The following NCKAP5 variants were observed in gnomAD, a reference collection of about 807,000 sequenced individuals.
The protein encoded by NCKAP5 is nck-associated protein 5.
A neutral mutation model predicts 167.0 loss-of-function variants in NCKAP5; 92 were observed. The observed-to-expected ratio is 0.55, with a 90% CI of 0.47 to 0.66. NCKAP5 has a LOEUF of 0.66. Among genes scored for constraint, NCKAP5 ranks in the 30% least tolerant of loss-of-function variants. The pLI is 0.00. For synonymous variants in NCKAP5, 891 were observed against 877.4 expected (o/e 1.02, Z -0.27); for missense variants, 2,378 against 2,315.0 (o/e 1.03, Z -0.56).
chr2:132,920,777 A>ATATATATATATATATATG (rs1558943345), intron 8 of NCKAP5, among the ~76,000 whole-genome samples: 2 of 13,860 alleles, frequency 1.4e-4, no homozygotes, highest in African/African-American at 4.3e-4. Context: ...GTATGTATAT[A>ATATATATATATATATATG]TATATATATA....
At chr2:133,372,719 A>T (rs1000595004) in intron 3 of NCKAP5, among the ~76,000 whole-genome samples, 7 of 152,188 alleles carry the variant, frequency 4.6e-5, no homozygotes, top group African/African-American at 1.7e-4. Context: ...TAGGACCCAG[A>T]TTTCTACCTC....
chr2:132,784,262 G>A lies in NCKAP5; in HGVS notation c.2549C>T (p.Thr850Ile), dbSNP rs140057700. The change falls in exon 14 of 20, where the codon ACT (threonine) becomes ATT (isoleucine). Residue 850 changes from threonine to isoleucine, a missense_variant. Thr to Ile is a moderately conservative substitution (Grantham distance 89). This residue lies in a region of NCKAP5 where 1,049 missense variants were observed against 1,023.4 expected (regional missense o/e 1.02). Coordinates refer to ENST00000409261, the MANE Select transcript of NCKAP5 (RefSeq NM_207363.3). ...APGKLSRFMK[T>I]ESSGPLFELR... is the part of the protein sequence containing the mutation. ...TTCAAAGAGGGGCCCTGAGCTCTCA[G>A]TCTTCATGAATCGTGAGAGTTTCCC... is the stretch of plus-strand genomic sequence containing the variant. The A allele has an allele frequency of 1.9e-6, 3 of 1,610,448 alleles. No individual in the cohort carries two copies. Among genetic ancestry groups the A allele is most frequent in the Non-Finnish European group, 2.5e-6 (3 of 1,178,870 alleles).
intron 5 of NCKAP5, among the ~76,000 whole-genome samples, chr2:133,212,851 A>G (rs1388026013): frequency 6.6e-6 from 1 of 152,226 alleles, no homozygotes; most frequent in Non-Finnish European, 1.5e-5. Context: ...TGACAGAAGT[A>G]TGAGGCCAGC....
chr2:133,645,933 A>G, the NCKAP5 span, among the ~76,000 whole-genome samples: 1 of 151,938 alleles, frequency 6.6e-6, no homozygotes, highest in Non-Finnish European at 1.5e-5. Flanking sequence ...CAAATGGAAA[A>G]AAGGAAGAAA....
At chr2:133,461,602 G>A (rs114915419) in intron 3 of NCKAP5, among the ~76,000 whole-genome samples, 3,009 of 152,264 alleles carry the variant, frequency 0.02, 108 homozygotes, top group African/African-American at 0.069. Context: ...TGGTCAACAT[G>A]TGTGTGGTTA....
chr2:132,881,029 CA>C (rs1335064132), intron 8 of NCKAP5, among the ~76,000 whole-genome samples: 6 of 152,186 alleles, frequency 3.9e-5, no homozygotes, highest in African/African-American at 1.4e-4. Context: ...ATGTGATCTA[CA>C]GTTCTTCCAG....
At chr2:133,615,534 A>C in the NCKAP5 span, among the ~76,000 whole-genome samples, 8 of 152,330 alleles carry the variant, frequency 5.3e-5, no homozygotes, top group African/African-American at 1.9e-4. Flanking sequence ...TAAACCAACA[A>C]AGATCAAAAG....
At chr2:132,727,879 G>T (rs1690616970) in intron 18 of NCKAP5, among the ~76,000 whole-genome samples, 1 of 152,210 alleles carries the variant, frequency 6.6e-6, no homozygotes, top group African/African-American at 2.4e-5. Flanking sequence ...GATGCTCAAG[G>T]TTGAAAGGTG....
At chr2:133,411,569 C>T (rs1270388932) in intron 3 of NCKAP5, among the ~76,000 whole-genome samples, 1 of 152,086 alleles carries the variant, frequency 6.6e-6, no homozygotes, top group African/African-American at 2.4e-5. Flanking sequence ...TACGTGGAGA[C>T]TTTGAGATTT....
chr2:133,217,229 G>T (rs72846314), intron 4 of NCKAP5, among the ~76,000 whole-genome samples: 53,978 of 151,804 alleles, frequency 0.36, 10,084 homozygotes, highest in Non-Finnish European at 0.41. Context: ...CTTTACTTTT[G>T]TAATGAAGTA....
At chr2:133,454,794 A>C (rs1191579719) in intron 3 of NCKAP5, among the ~76,000 whole-genome samples, 1 of 152,060 alleles carries the variant, frequency 6.6e-6, no homozygotes, top group Non-Finnish European at 1.5e-5. Flanking sequence ...AATTAGGTCA[A>C]ACTATCTTAC....
upstream of NCKAP5, among the ~76,000 whole-genome samples, chr2:133,572,437 A>G (rs376086599): frequency 1.2e-4 from 18 of 152,306 alleles, no homozygotes; most frequent in African/African-American, 4.3e-4. Context: ...ACAAGTGCAA[A>G]GACCATGGGA....
rs567505885 is a variant in NCKAP5 at position 132,728,906 on chromosome 2, C to A, written c.5490G>T (p.Gln1830His). Reference protein sequence around the residue: ...QKQNEAEPRPQTCSSFGYAED... With the variant: ...QKQNEAEPRPHTCSSFGYAED... Reference sequence around the variant, plus strand: ...CAGCATATCCGAATGATGAGCATGTCTGAGGCCTTGGCTCTGCTTCATTCT... The same window carrying A: ...CAGCATATCCGAATGATGAGCATGTATGAGGCCTTGGCTCTGCTTCATTCT... Residue 1830 changes from glutamine (Q) to histidine (H), a missense_variant, in exon 18 of 20, where the codon CAG becomes CAT. Physicochemically the swap from Gln to His is conservative, Grantham distance 24. Transcript: ENST00000409261. 2 of 1,614,006 alleles carry A rather than the reference C, an allele frequency of 1.2e-6. No homozygotes were observed. The highest frequency in any genetic ancestry group is 2.2e-5 in the East Asian group (1 of 44,882).
chr2:132,731,839 G>A lies in NCKAP5; in HGVS notation c.5341C>T (p.Arg1781Cys), dbSNP rs377579826. The A allele has an allele frequency of 1.9e-5, 31 of 1,613,844 alleles. No individual in the cohort carries two copies. The highest frequency in any genetic ancestry group is 1.6e-4 in the Middle Eastern group (1 of 6,084). ...REVPSSTDGQRPADSAIVHST... is the reference protein window; with the variant it reads ...REVPSSTDGQCPADSAIVHST... ...TGAACAATGGCGCTATCTGCAGGGC[G>A]CTGGCCGTCTGTGGAGGAAGGCACT... The change falls in exon 17 of 20, where the codon CGC becomes TGC. Residue 1781 changes from arginine to cysteine, a missense_variant. Coordinates refer to ENST00000409261, the MANE Select transcript of NCKAP5 (RefSeq NM_207363.3).
intron 4 of NCKAP5, among the ~76,000 whole-genome samples, chr2:133,255,543 A>T (rs1376850006): frequency 6.6e-6 from 1 of 152,176 alleles, no homozygotes; most frequent in Non-Finnish European, 1.5e-5. Flanking sequence ...TACAGTCCTG[A>T]CACAGACAAA....
chr2:133,471,037 C>T (rs1679245963), intron 3 of NCKAP5, among the ~76,000 whole-genome samples: 1 of 152,228 alleles, frequency 6.6e-6, no homozygotes, highest in South Asian at 2.1e-4. Flanking sequence ...GGCTCCTCCC[C>T]CCCTGCTTTT....
chr2:132,681,417 C>T (rs1456569774), intron 19 of NCKAP5, among the ~76,000 whole-genome samples: 5 of 151,284 alleles, frequency 3.3e-5, no homozygotes, highest in African/African-American at 9.7e-5. Context: ...TTCAGCAAGC[C>T]GGGCCATGGC....
chr2:133,167,684 A>T (rs957498370), intron 5 of NCKAP5, among the ~76,000 whole-genome samples: 1 of 152,230 alleles, frequency 6.6e-6, no homozygotes, highest in East Asian at 1.9e-4. Context: ...ATTAGCTTCT[A>T]GTTCCAGCTT....
the NCKAP5 span, among the ~76,000 whole-genome samples, chr2:133,645,901 T>C: frequency 6.6e-6 from 1 of 151,490 alleles, no homozygotes; most frequent in Admixed American, 6.6e-5. Flanking sequence ...TTTTACCATA[T>C]CTCTTTTGGT....
Sources: allele counts gnomAD v4.1 joint callset (sites outside exome capture counted in the v4.1 genomes callset), GRCh38; gene constraint gnomAD v4.1.1; regional missense constraint gnomAD v4.1.1; transcripts MANE v1.5; gene names NCBI Gene and HGNC (gene_info 2026-07-23, HGNC 2026-07-21).